The following PPP2R5E variants were observed in gnomAD, a reference collection of about 807,000 sequenced individuals.
PPP2R5E encodes serine/threonine-protein phosphatase 2A 56 kDa regulatory subunit epsilon isoform.
A neutral mutation model predicts 65.3 loss-of-function variants in PPP2R5E; 4 were observed. That is an observed-to-expected ratio of 0.06 (90% confidence interval 0.03 to 0.14). The LOEUF is 0.14. Among genes scored for constraint, PPP2R5E ranks in the 10% least tolerant of loss-of-function variants. The pLI is 1.00. For missense variants in PPP2R5E, 274 were observed against 556.1 expected (o/e 0.49, Z 5.10); for synonymous variants, 183 against 187.4 (o/e 0.98, Z 0.19).
chr14:63,418,521 C>A (rs1177325758), intron 4 of PPP2R5E, among the ~76,000 whole-genome samples: 1 of 152,144 alleles, frequency 6.6e-6, no homozygotes, highest in East Asian at 1.9e-4. Flanking sequence ...CTGGGGAGGA[C>A]AAATTACTTT....
intron 2 of PPP2R5E, among the ~76,000 whole-genome samples, chr14:63,454,664 G>A (rs1330738398): frequency 6.6e-6 from 1 of 152,202 alleles, no homozygotes; most frequent in African/African-American, 2.4e-5. Context: ...TTTTAGGTTA[G>A]TTGAAATTCC....
intron 2 of PPP2R5E, among the ~76,000 whole-genome samples, chr14:63,500,658 A>C (rs1475198163): frequency 6.6e-6 from 1 of 152,082 alleles, no homozygotes; most frequent in Non-Finnish European, 1.5e-5. Flanking sequence ...GTTTGAGACA[A>C]TAGAGCAACA....
At chr14:63,427,956 G>C (rs1018960160) in intron 3 of PPP2R5E, among the ~76,000 whole-genome samples, 1 of 152,066 alleles carries the variant, frequency 6.6e-6, no homozygotes, top group African/African-American at 2.4e-5. Flanking sequence ...GGATGGACCT[G>C]ACTTCTTTAT....
intron 2 of PPP2R5E, among the ~76,000 whole-genome samples, chr14:63,522,586 C>A (rs1366677884): frequency 6.7e-6 from 1 of 149,624 alleles, no homozygotes; most frequent in Non-Finnish European, 1.5e-5. Flanking sequence ...GGGAGCGCCT[C>A]TGCCCCGCCG....
intron 2 of PPP2R5E, among the ~76,000 whole-genome samples, chr14:63,504,495 T>C (rs1210960004): frequency 1.3e-5 from 2 of 152,056 alleles, no homozygotes; most frequent in African/African-American, 2.4e-5. Flanking sequence ...GGCAGGAAAA[T>C]GGCTTGAACC....
intron 12 of PPP2R5E, among the ~76,000 whole-genome samples, chr14:63,383,328 T>C (rs1884477445): frequency 6.6e-6 from 1 of 152,356 alleles, no homozygotes; most frequent in African/African-American, 2.4e-5. Context: ...GTCTGATGTT[T>C]CCAAAACATT....
intron 5 of PPP2R5E, among the ~76,000 whole-genome samples, chr14:63,410,465 G>C (rs1372110928): frequency 2.6e-5 from 4 of 152,128 alleles, no homozygotes; most frequent in Non-Finnish European, 5.9e-5. Context: ...GTCACAGTGG[G>C]AAAGAGGAGG....
At chr14:63,397,705 G>T (rs1885488313) in intron 5 of PPP2R5E, among the ~76,000 whole-genome samples, 1 of 150,688 alleles carries the variant, frequency 6.6e-6, no homozygotes, top group African/African-American at 2.4e-5. Context: ...TATTTCTGTT[G>T]TATGTTATAT....
At chr14:63,406,205 T>G (rs995900127) in intron 5 of PPP2R5E, among the ~76,000 whole-genome samples, 6 of 150,812 alleles carry the variant, frequency 4.0e-5, no homozygotes, top group African/African-American at 1.5e-4. Context: ...AGGTCAGGAG[T>G]TCAAGACCAG....
chr14:63,387,542 A>T (rs1884744229), intron 11 of PPP2R5E, among the ~76,000 whole-genome samples: 2 of 152,200 alleles, frequency 1.3e-5, no homozygotes, highest in Admixed American at 1.3e-4. Flanking sequence ...CAATAAATGG[A>T]TGAACCAGCA....
chr14:63,448,156 G>C (rs912166218), intron 3 of PPP2R5E, among the ~76,000 whole-genome samples: 1 of 151,956 alleles, frequency 6.6e-6, no homozygotes, highest in African/African-American at 2.4e-5. Context: ...AATTAGCCAG[G>C]CGTGGTGGCG....
At chr14:63,532,354 C>T (rs1893469788) in intron 2 of PPP2R5E, among the ~76,000 whole-genome samples, 1 of 152,074 alleles carries the variant, frequency 6.6e-6, no homozygotes, top group Non-Finnish European at 1.5e-5. Context: ...AAAAGCATTA[C>T]ACTAAATAAC....
intron 2 of PPP2R5E, among the ~76,000 whole-genome samples, chr14:63,483,523 C>T (rs1890816011): frequency 6.6e-6 from 1 of 152,152 alleles, no homozygotes; most frequent in Admixed American, 6.5e-5. Context: ...GGTGCACGTA[C>T]ACAGCGCATT....
Position 63,449,015 on chromosome 14 carries a change from T to A in PPP2R5E, c.354+4674A>T, listed in dbSNP as rs555104216. Among the ~76,000 whole-genome samples the A allele has an allele frequency of 7.9e-5, 12 of 152,300 alleles. No individual in the cohort carries two copies. The South Asian group carries it at 2.1e-3, about 26-fold the overall frequency. On this transcript the variant is annotated intron_variant, in intron 3 of 13. Transcript: ENST00000337537. ...CTAACAGGAATACCAGTTCTCAAAGTACAAGTCCCATCAAGTTGGATCAAA... is the reference window on the plus strand; with the variant it reads ...CTAACAGGAATACCAGTTCTCAAAGAACAAGTCCCATCAAGTTGGATCAAA...
Position 63,449,580 on chromosome 14 carries a change from C to T in PPP2R5E, c.354+4109G>A, listed in dbSNP as rs73274616. On this transcript the variant is annotated intron_variant, in intron 3 of 13. Coordinates refer to ENST00000337537, the MANE Select transcript of PPP2R5E (RefSeq NM_006246.5). ...CAAGTGGGACGTGGTTCCAGTTTTC[C>T]TTACAGAACAGTAAGCACACGTTCT... Among the ~76,000 whole-genome samples the T allele has an allele frequency of 3.5e-3, 531 of 152,218 alleles. 2 individuals carry two copies. The highest frequency in any genetic ancestry group is 0.012 in the African/African-American group (502 of 41,518).
At chr14:63,405,226 C>CACTT (rs1885994852) in intron 5 of PPP2R5E, among the ~76,000 whole-genome samples, 2 of 152,176 alleles carry the variant, frequency 1.3e-5, no homozygotes, top group South Asian at 4.1e-4. Context: ...ATGCTCCCAA[C>CACTT]ACTTACTTGC....
At chr14:63,516,696 C>G (rs574826270) in intron 2 of PPP2R5E, among the ~76,000 whole-genome samples, 1 of 152,308 alleles carries the variant, frequency 6.6e-6, no homozygotes, top group African/African-American at 2.4e-5. Context: ...CACACACATC[C>G]AATTCCCCAA....
chr14:63,477,941 T>C (rs2139583178), intron 2 of PPP2R5E, among the ~76,000 whole-genome samples: 2 of 152,256 alleles, frequency 1.3e-5, no homozygotes, highest in South Asian at 4.1e-4. Flanking sequence ...GTCCAACTGA[T>C]ATTGCTCTTA....
chr14:63,506,136 A>G (rs1472650746), intron 2 of PPP2R5E, among the ~76,000 whole-genome samples: 1 of 152,146 alleles, frequency 6.6e-6, no homozygotes, highest in Non-Finnish European at 1.5e-5. Context: ...CCAGAATATA[A>G]AAAGAATTCT....
Sources: gnomAD v4.1 joint callset for allele counts (sites outside exome capture counted in the v4.1 genomes callset) on GRCh38, gnomAD v4.1.1 for gene constraint, MANE v1.5 for transcripts, NCBI Gene and HGNC (gene_info 2026-07-23, HGNC 2026-07-21) for gene names.